METTL16: variants seen among roughly 807,000 people sequenced by gnomAD.
METTL16 encodes RNA N(6)-adenosine-methyltransferase METTL16.
METTL16 carries 19 observed loss-of-function variants against 57.9 expected under a neutral mutation model. The observed-to-expected ratio is 0.33, with a 90% CI of 0.23 to 0.48. The LOEUF is 0.48. METTL16 is among the 20% of genes least tolerant of loss of function. The pLI is 0.99. For synonymous variants in METTL16, 246 were observed against 255.6 expected, an observed-to-expected ratio of 0.96 and a Z score of 0.36; for missense variants, 434 against 691.5, an observed-to-expected ratio of 0.63 and a Z score of 4.18.
intron 1 of METTL16, among the ~76,000 whole-genome samples, chr17:2,503,399 T>C (rs1396164905): frequency 6.6e-6 from 1 of 151,622 alleles, no homozygotes; most frequent in Admixed American, 6.6e-5. Context: ...ACCCTAAATA[T>C]GGATCAACAA....
chr17:2,455,482 T>C (rs2067103019), intron 6 of METTL16, among the ~76,000 whole-genome samples: 1 of 152,164 alleles, frequency 6.6e-6, no homozygotes, highest in African/African-American at 2.4e-5. Flanking sequence ...AACCAAGCAG[T>C]GACTATGTCA....
At chr17:2,502,705 G>T (rs1029232954) in intron 1 of METTL16, among the ~76,000 whole-genome samples, 3 of 151,828 alleles carry the variant, frequency 2.0e-5, no homozygotes, top group African/African-American at 4.8e-5. Flanking sequence ...AAAAAAATCA[G>T]TGGGGAAAGC....
chr17:2,466,951 C>T lies in METTL16; in HGVS notation c.585+810G>A, dbSNP rs548040886. Reference sequence around the variant, plus strand: ...CCAAGTAGCTGGGTCTACAGGCACACGCCATAGTGCCTGGTTAATTGTTTT... The same window carrying T: ...CCAAGTAGCTGGGTCTACAGGCACATGCCATAGTGCCTGGTTAATTGTTTT... On this transcript the variant is annotated intron_variant, in intron 5 of 9. Coordinates refer to ENST00000263092, the MANE Select transcript of METTL16 (RefSeq NM_024086.4). Among the ~76,000 whole-genome samples, 29 of 151,896 alleles carry T rather than the reference C, an allele frequency of 1.9e-4. No homozygotes were observed. The South Asian group carries it at 2.1e-3, about 11-fold the overall frequency.
intron 2 of METTL16, among the ~76,000 whole-genome samples, chr17:2,493,067 T>TCTAATGTTTTGTGTGA: frequency 6.6e-6 from 1 of 151,874 alleles, no homozygotes; most frequent in South Asian, 2.1e-4. Flanking sequence ...CCACTGAAGG[T>TCTAATGTTTTGTGTGA]CTAATGTTTT....
intron 2 of METTL16, among the ~76,000 whole-genome samples, chr17:2,494,314 G>C (rs1454622303): frequency 6.6e-6 from 1 of 152,152 alleles, no homozygotes; most frequent in African/African-American, 2.4e-5. Flanking sequence ...GAGCCACTGT[G>C]CCCAGTCAAG....
chr17:2,458,775 A>G (rs1197348604), intron 6 of METTL16, among the ~76,000 whole-genome samples: 1 of 151,474 alleles, frequency 6.6e-6, no homozygotes, highest in Non-Finnish European at 1.5e-5. Flanking sequence ...AAGTCTGGTA[A>G]TTTATCTAGA....
intron 2 of METTL16, among the ~76,000 whole-genome samples, chr17:2,485,238 CTGA>C (rs2067332843): frequency 6.6e-6 from 1 of 152,194 alleles, no homozygotes; most frequent in African/African-American, 2.4e-5. Context: ...GATCTAAAGC[CTGA>C]TGATCTGTCA....
intron 2 of METTL16, among the ~76,000 whole-genome samples, chr17:2,488,766 A>C (rs2067362426): frequency 6.6e-6 from 1 of 152,238 alleles, no homozygotes; most frequent in Non-Finnish European, 1.5e-5. Context: ...CAACAAGCAC[A>C]GGGTTAACAC....
At chr17:2,487,332 G>C (rs2067350897) in intron 2 of METTL16, among the ~76,000 whole-genome samples, 1 of 152,210 alleles carries the variant, frequency 6.6e-6, no homozygotes, top group Non-Finnish European at 1.5e-5. Context: ...ACATGTAAGT[G>C]ATTTGCAAAC....
intron 6 of METTL16, among the ~76,000 whole-genome samples, chr17:2,452,692 G>A (rs1219735898): frequency 6.6e-6 from 1 of 152,110 alleles, no homozygotes; most frequent in African/African-American, 2.4e-5. Flanking sequence ...AATGACTCCA[G>A]TATACCCTTC....
At chr17:2,473,170 C>A (rs2067245721) in intron 4 of METTL16, among the ~76,000 whole-genome samples, 1 of 152,044 alleles carries the variant, frequency 6.6e-6, no homozygotes, top group African/African-American at 2.4e-5. Context: ...AAAATAAACT[C>A]AACAAACAAA....
At chr17:2,498,722 G>C (rs1020358751) in intron 2 of METTL16, among the ~76,000 whole-genome samples, 4 of 151,686 alleles carry the variant, frequency 2.6e-5, no homozygotes, top group Admixed American at 2.0e-4. Context: ...CTGGGCAACA[G>C]AGCAAGACTG....
intron 1 of METTL16, among the ~76,000 whole-genome samples, chr17:2,509,464 GTTCCTAGC>G (rs141545703): frequency 0.014 from 2,067 of 152,280 alleles, 45 homozygotes; most frequent in African/African-American, 0.047. Flanking sequence ...GCATGCCTGT[GTTCCTAGC>G]TACTAGGGAT....
chr17:2,490,247 T>G (rs2067377400), intron 2 of METTL16, among the ~76,000 whole-genome samples: 1 of 152,202 alleles, frequency 6.6e-6, no homozygotes, highest in African/African-American at 2.4e-5. Context: ...CACTTTTTTT[T>G]TAACTAAATA....
chr17:2,499,184 C>T lies in METTL16; in HGVS notation c.128+3020G>A, dbSNP rs1398803573. Among the ~76,000 whole-genome samples the T allele has an allele frequency of 1.3e-5, 2 of 151,564 alleles. 1 individual carries two copies. Among genetic ancestry groups the T allele is most frequent in the African/African-American group, 4.9e-5 (2 of 40,910 alleles). Reference sequence around the variant, plus strand: ...TTTTCCCCACTAGTGTATAAACTAGCGTGTGACTGTGGCAGTGACATCTTT... The same window carrying T: ...TTTTCCCCACTAGTGTATAAACTAGTGTGTGACTGTGGCAGTGACATCTTT... On this transcript the variant is annotated intron_variant, in intron 2 of 9. Coordinates refer to ENST00000263092, the MANE Select transcript of METTL16 (RefSeq NM_024086.4).
chr17:2,497,243 TG>T (rs2067452926), intron 2 of METTL16, among the ~76,000 whole-genome samples: 1 of 149,948 alleles, frequency 6.7e-6, no homozygotes, highest in Admixed American at 6.7e-5. Context: ...TGACCTCAGG[TG>T]ATCCGCCCAC....
At position 2,438,206 on chromosome 17, in the gene METTL16, C is replaced by G. The variant is rs762511112; in HGVS notation, c.799-8G>C. 1.2e-6 allele frequency: 2 copies of G among 1,602,914 alleles called. No individual in the cohort carries two copies. Among genetic ancestry groups the G allele is most frequent in the Non-Finnish European group, 1.7e-6 (2 of 1,170,192 alleles). On this transcript the variant is annotated splice_region_variant and splice_polypyrimidine_tract_variant and intron_variant, in intron 7 of 9. Transcript: ENST00000263092. ...GTACGTTACTTTGGGAACCTGAAAC[C>G]AACAAAGACAGCATCTCATCAAACT...
intron 6 of METTL16, among the ~76,000 whole-genome samples, chr17:2,443,119 G>A (rs1364289004): frequency 6.6e-6 from 1 of 152,020 alleles, no homozygotes; most frequent in African/African-American, 2.4e-5. Context: ...CTCCTGAGTA[G>A]TTGGGATTAC....
intron 2 of METTL16, among the ~76,000 whole-genome samples, chr17:2,493,174 C>T (rs1311411645): frequency 6.8e-6 from 1 of 147,964 alleles, no homozygotes; most frequent in Non-Finnish European, 1.5e-5. Context: ...CTGCAAGCTC[C>T]GCCTCCCGGG....
Sources: allele counts gnomAD v4.1 joint callset (sites outside exome capture counted in the v4.1 genomes callset), GRCh38; gene constraint gnomAD v4.1.1; transcripts MANE v1.5; gene names NCBI Gene and HGNC (gene_info 2026-07-23, HGNC 2026-07-21).